Variants in SCPEP1 observed in about 807,000 individuals in gnomAD.
SCPEP1 encodes retinoid-inducible serine carboxypeptidase.
A neutral mutation model predicts 63.8 loss-of-function variants in SCPEP1; 51 were observed. That is an observed-to-expected ratio of 0.80 (90% CI 0.64 to 1.01). SCPEP1 has a LOEUF of 1.01. Ranked by LOEUF, SCPEP1 falls within the 50% of genes least tolerant of loss-of-function variation. The pLI is 0.00. For synonymous variants in SCPEP1, 204 were observed against 207.8 expected, an observed-to-expected ratio of 0.98 and a Z score of 0.16; for missense variants, 499 against 554.9, an observed-to-expected ratio of 0.90 and a Z score of 1.01.
At chr17:56,998,735 T>C (rs184198200) in intron 10 of SCPEP1, among the ~76,000 whole-genome samples, 51 of 152,160 alleles carry the variant, frequency 3.4e-4, no homozygotes, top group Non-Finnish European at 6.9e-4. Flanking sequence ...GAGACTGAGT[T>C]GAGAGGATTG....
intron 10 of SCPEP1, among the ~76,000 whole-genome samples, chr17:57,000,156 GTAAA>G (rs1054254726): frequency 6.6e-6 from 1 of 151,904 alleles, no homozygotes; most frequent in South Asian, 2.1e-4. Context: ...TCTCAAATAA[GTAAA>G]TAAATAAATA....
At chr17:56,998,176 T>C (rs1911626452) in intron 9 of SCPEP1, 1 of 452,420 alleles carries the variant, frequency 2.2e-6, no homozygotes, top group South Asian at 2.2e-5. Flanking sequence ...CTGGGCATGG[T>C]GGCGGGTGCC....
intron 12 of SCPEP1, among the ~76,000 whole-genome samples, chr17:57,003,570 G>C (rs182530818): frequency 6.6e-6 from 1 of 152,312 alleles, no homozygotes; most frequent in Non-Finnish European, 1.5e-5. Flanking sequence ...CACAAGCTGA[G>C]TTTGAATTGC....
intron 1 of SCPEP1, among the ~76,000 whole-genome samples, chr17:56,980,728 C>T (rs1048813233): frequency 1.5e-5 from 2 of 132,578 alleles, no homozygotes; most frequent in African/African-American, 2.9e-5. Context: ...GCAGAGGTTG[C>T]GGTGAGCCGA....
chr17:56,999,176 C>T (rs1217202292), intron 10 of SCPEP1, among the ~76,000 whole-genome samples: 2 of 152,124 alleles, frequency 1.3e-5, no homozygotes, highest in Non-Finnish European at 2.9e-5. Flanking sequence ...CAGTTGGTTG[C>T]AGATGAGATT....
intron 6 of SCPEP1, among the ~76,000 whole-genome samples, chr17:56,991,656 T>C (rs1760958262): frequency 6.6e-6 from 1 of 152,226 alleles, no homozygotes; most frequent in South Asian, 2.1e-4. Flanking sequence ...AGTTTTGTAA[T>C]TGAGCATCCG....
chr17:56,985,417 G>A lies in SCPEP1; in HGVS notation c.265G>A (p.Glu89Lys). Residue 89 changes from glutamate (E) to lysine (K), a missense_variant, in exon 3 of 13, where the codon GAG becomes AAG. Transcript: ENST00000262288. The part of the protein sequence containing the change: ...GGSSTGFGNF[E>K]EIGPLDSDLK... ...TTCTAGCACTGGATTTGGAAACTTT[G>A]AGGAAATTGGGCCCCTTGACAGTGA... 1 of 1,614,188 alleles carries A rather than the reference G, an allele frequency of 6.2e-7. No individual in the cohort carries two copies. The highest frequency in any genetic ancestry group is 8.5e-7 in the Non-Finnish European group (1 of 1,180,030).
chr17:56,998,555 C>A, intron 10 of SCPEP1, 57 bp downstream of exon 10: 2 of 1,333,800 alleles, frequency 1.5e-6, no homozygotes, highest in Non-Finnish European at 2.2e-6. Flanking sequence ...AAAAGAGGTG[C>A]AAATTCAGAG....
chr17:56,990,970 C>G, intron 5 of SCPEP1, 129 bp from the exon 6 acceptor site: 1 of 759,804 alleles, frequency 1.3e-6, no homozygotes. Flanking sequence ...GGGGGTCTCA[C>G]TACATTGCCT....
chr17:56,996,405 G>C (rs761792480), intron 8 of SCPEP1, among the ~76,000 whole-genome samples: 2 of 151,734 alleles, frequency 1.3e-5, no homozygotes, highest in African/African-American at 4.8e-5. Flanking sequence ...GGGTTTCACC[G>C]TGTTGCCCAG....
intron 12 of SCPEP1, 40 bp from the exon 13 acceptor site, chr17:57,006,133 T>A (rs750101316): frequency 5.9e-6 from 9 of 1,538,078 alleles, no homozygotes; most frequent in Non-Finnish European, 7.1e-6. Flanking sequence ...GCCCCAGGAA[T>A]AGCACCAGGA....
At chr17:56,986,532 C>G (rs969747853) in intron 3 of SCPEP1, among the ~76,000 whole-genome samples, 8 of 139,814 alleles carry the variant, frequency 5.7e-5, no homozygotes, top group Non-Finnish European at 1.1e-4. Flanking sequence ...TCTGGTCTTT[C>G]TTTGTTTTTT....
intron 6 of SCPEP1, 76 bp downstream of exon 6, chr17:56,991,247 C>G (rs1911390002): frequency 1.8e-6 from 2 of 1,100,968 alleles, no homozygotes; most frequent in Non-Finnish European, 2.8e-6. Context: ...CTGTGTTGTC[C>G]AGATCAAAGA....
At chr17:56,984,541 C>T (rs1472585276) in intron 2 of SCPEP1, 1 of 152,442 alleles carries the variant, frequency 6.6e-6, no homozygotes, top group Non-Finnish European at 1.5e-5. Context: ...GTTCAGAATC[C>T]TGCCTTTCCC....
intron 6 of SCPEP1, among the ~76,000 whole-genome samples, chr17:56,994,324 A>T (rs538083232): frequency 6.6e-6 from 1 of 152,326 alleles, no homozygotes; most frequent in East Asian, 1.9e-4. Context: ...TGTCTTACCT[A>T]GTGATACAGT....
At position 56,988,266 on chromosome 17, in the gene SCPEP1, T is replaced by C; in HGVS notation, c.522T>C (p.Ala174=). 1 of 1,613,200 alleles carries C rather than the reference T, an allele frequency of 6.2e-7. No individual in the cohort carries two copies. Among genetic ancestry groups the C allele is most frequent in the Non-Finnish European group, 8.5e-7 (1 of 1,179,316 alleles). The change falls in exon 5 of 13, where the codon GCT becomes GCC. Residue 174 remains alanine (A), a synonymous_variant. Coordinates refer to ENST00000262288, the MANE Select transcript of SCPEP1 (RefSeq NM_021626.3). The part of the protein sequence containing the change: ...FSESYGGKMA[A]GIGLELYKAI... ...AGTCCTATGGAGGAAAAATGGCAGC[T>C]GGCATTGGTCTAGAGCTTTATAAGG...
intron 12 of SCPEP1, among the ~76,000 whole-genome samples, chr17:57,005,431 C>T (rs1234613170): frequency 6.6e-6 from 1 of 152,158 alleles, no homozygotes; most frequent in Non-Finnish European, 1.5e-5. Context: ...CAAACCACTT[C>T]CCCTTTCATT....
At chr17:56,994,908 G>C in intron 6 of SCPEP1, 73 bp from the exon 7 acceptor site, 1 of 1,329,376 alleles carries the variant, frequency 7.5e-7, no homozygotes, top group East Asian at 2.3e-5. Context: ...TCTTTAGAGA[G>C]AAGACAGTAG....
intron 9 of SCPEP1, chr17:56,997,998 A>C (rs1377094301): frequency 5.4e-6 from 1 of 185,784 alleles, no homozygotes; most frequent in African/African-American, 2.3e-5. Context: ...CTTGCTGTGC[A>C]GCATCCCCAG....
Sources: gnomAD v4.1 joint callset for allele counts (sites outside exome capture counted in the v4.1 genomes callset) on GRCh38, gnomAD v4.1.1 for gene constraint, MANE v1.5 for transcripts, NCBI Gene and HGNC (gene_info 2026-07-23, HGNC 2026-07-21) for gene names.